The following CA10 variants were observed in gnomAD, a reference collection of about 807,000 sequenced individuals.
CA10 encodes the protein carbonic anhydrase-related protein 10.
In CA10, 14 loss-of-function variants were observed where a neutral mutation model predicts 44.2. That is an observed-to-expected ratio of 0.32 (90% CI 0.21 to 0.50). The LOEUF is 0.50. Among genes scored for constraint, CA10 ranks in the 20% least tolerant of loss-of-function variants. CA10 has a pLI of 0.99. For missense variants in CA10, 350 were observed against 409.7 expected, an observed-to-expected ratio of 0.85 and a Z score of 1.26; for synonymous variants, 159 against 141.6, an observed-to-expected ratio of 1.12 and a Z score of -0.87.
At chr17:51,738,994 T>A (rs1904353732) in intron 4 of CA10, among the ~76,000 whole-genome samples, 1 of 152,122 alleles carries the variant, frequency 6.6e-6, no homozygotes, top group Admixed American at 6.5e-5. Flanking sequence ...GGGGGTATGC[T>A]GGAAGAGATG....
chr17:52,081,799 CAAAAA>C (rs10707842), intron 1 of CA10, among the ~76,000 whole-genome samples: 3 of 78,330 alleles, frequency 3.8e-5, no homozygotes, highest in Non-Finnish European at 5.1e-5. Flanking sequence ...GACTCCGTCT[CAAAAA>C]AAAAAAAAAA....
At chr17:52,086,961 T>G (rs1291721760) in intron 1 of CA10, among the ~76,000 whole-genome samples, 1 of 152,180 alleles carries the variant, frequency 6.6e-6, no homozygotes, top group Admixed American at 6.5e-5. Flanking sequence ...GTCTTGTGTG[T>G]TTGTTGCCTA....
intron 3 of CA10, among the ~76,000 whole-genome samples, chr17:51,845,336 T>A (rs545432409): frequency 6.6e-6 from 1 of 152,198 alleles, no homozygotes; most frequent in Non-Finnish European, 1.5e-5. Flanking sequence ...CCAGTGGAAG[T>A]TGGCTGTCAA....
At chr17:51,645,012 G>A (rs1003411709) in intron 6 of CA10, among the ~76,000 whole-genome samples, 3 of 151,920 alleles carry the variant, frequency 2.0e-5, no homozygotes, top group African/African-American at 7.3e-5. Flanking sequence ...TGGTCAGGCT[G>A]GTCTCGAACT....
chr17:51,663,129 C>A (rs1344508625), intron 4 of CA10, among the ~76,000 whole-genome samples: 1 of 151,782 alleles, frequency 6.6e-6, no homozygotes, highest in Admixed American at 6.6e-5. Context: ...AGGAACTTGG[C>A]AGGGTATAAG....
chr17:51,943,291 G>T (rs1044188134), intron 2 of CA10, among the ~76,000 whole-genome samples: 2 of 152,076 alleles, frequency 1.3e-5, no homozygotes, highest in African/African-American at 2.4e-5. Flanking sequence ...ATTATGCATG[G>T]CTATATTGTT....
At chr17:51,692,767 G>A (rs1053104934) in intron 4 of CA10, among the ~76,000 whole-genome samples, 4 of 152,190 alleles carry the variant, frequency 2.6e-5, no homozygotes, top group African/African-American at 9.7e-5. Context: ...TTGTATGCAG[G>A]TTTTCATGTG....
chr17:51,779,142 G>C (rs1219378476), intron 3 of CA10, among the ~76,000 whole-genome samples: 2 of 152,132 alleles, frequency 1.3e-5, no homozygotes, highest in Non-Finnish European at 2.9e-5. Flanking sequence ...GGAGTTGGCA[G>C]GTTATAGGCA....
chr17:51,697,260 T>A (rs528501706), intron 4 of CA10, among the ~76,000 whole-genome samples: 1 of 152,334 alleles, frequency 6.6e-6, no homozygotes, highest in African/African-American at 2.4e-5. Context: ...AAGCTCTACC[T>A]GACTTGGGCT....
At chr17:51,938,993 G>T (rs1217269853) in intron 2 of CA10, among the ~76,000 whole-genome samples, 2 of 152,006 alleles carry the variant, frequency 1.3e-5, no homozygotes, top group Non-Finnish European at 2.9e-5. Flanking sequence ...CAGGTCAAAT[G>T]ATCCACAGGT....
chr17:52,138,192 CT>C (rs1989401058), intron 1 of CA10, among the ~76,000 whole-genome samples: 2 of 152,174 alleles, frequency 1.3e-5, no homozygotes. Flanking sequence ...CTTCCTTCCT[CT>C]TCAAAGCACA....
In CA10 at chr17:51,890,625, T is replaced by C. The variant is rs1980814273; in HGVS notation, c.279+40365A>G. ...TCAGGGTATGAATAATACACATAAA[T>C]AAAAAATGAGTGAACAGTATATTAA... On this transcript the variant is annotated intron_variant, in intron 3 of 8. Transcript: ENST00000451037. 2.0e-5 allele frequency among the ~76,000 whole-genome samples: 3 copies of C among 152,120 alleles called. 1 individual carries two copies. Among genetic ancestry groups the C allele is most frequent in the African/African-American group, 7.2e-5 (3 of 41,418 alleles).
intron 2 of CA10, among the ~76,000 whole-genome samples, chr17:51,981,358 G>T (rs754996568): frequency 3.2e-4 from 48 of 152,064 alleles, no homozygotes; most frequent in Non-Finnish European, 8.8e-5. Flanking sequence ...AGCAAAGATC[G>T]ATTGACACAT....
At chr17:51,754,932 A>G (rs1375457549) in intron 3 of CA10, among the ~76,000 whole-genome samples, 1 of 152,016 alleles carries the variant, frequency 6.6e-6, no homozygotes, top group East Asian at 1.9e-4. Flanking sequence ...ACATGCATAT[A>G]TTATATAGCT....
At chr17:51,840,103 C>T (rs979973922) in intron 3 of CA10, among the ~76,000 whole-genome samples, 3 of 152,098 alleles carry the variant, frequency 2.0e-5, no homozygotes, top group Non-Finnish European at 4.4e-5. Context: ...AACTGTGTGA[C>T]CTTGAACTAA....
chr17:52,092,815 C>T (rs1256619511), intron 1 of CA10, among the ~76,000 whole-genome samples: 1 of 152,152 alleles, frequency 6.6e-6, no homozygotes, highest in African/African-American at 2.4e-5. Flanking sequence ...TGGAGCTCAT[C>T]TTCTTAAACT....
At position 51,949,936 on chromosome 17, in the gene CA10, T is replaced by A. The variant is rs142879890; in HGVS notation, c.137-18804A>T. On this transcript the variant is annotated intron_variant, in intron 2 of 8. Coordinates refer to ENST00000451037, the MANE Select transcript of CA10 (RefSeq NM_020178.5). Reference sequence around the variant, plus strand: ...AGTATATCCCTGTTGGGGAAAAAAATTTGCGTGCAATGCCACCATGTGAAT... The same window carrying A: ...AGTATATCCCTGTTGGGGAAAAAAAATTGCGTGCAATGCCACCATGTGAAT... Among the ~76,000 whole-genome samples the A allele has an allele frequency of 1.4e-3, 213 of 152,216 alleles. 1 individual carries two copies. Among genetic ancestry groups the A allele is most frequent in the African/African-American group, 5.0e-3 (206 of 41,538 alleles).
At chr17:51,915,933 G>A (rs918329343) in intron 3 of CA10, among the ~76,000 whole-genome samples, 1 of 151,332 alleles carries the variant, frequency 6.6e-6, no homozygotes, top group African/African-American at 2.4e-5. Context: ...GCTTGGCATA[G>A]GGCTATTTCC....
chr17:51,916,618 A>G (rs1982008203), intron 3 of CA10, among the ~76,000 whole-genome samples: 1 of 152,168 alleles, frequency 6.6e-6, no homozygotes, highest in Non-Finnish European at 1.5e-5. Flanking sequence ...CTCCCCAGCC[A>G]TGTGGAACTG....
Sources: gnomAD v4.1 joint callset for allele counts (sites outside exome capture counted in the v4.1 genomes callset) on GRCh38, gnomAD v4.1.1 for gene constraint, MANE v1.5 for transcripts, NCBI Gene and HGNC (gene_info 2026-07-23, HGNC 2026-07-21) for gene names.